The following FTO variants were observed in gnomAD, a reference collection of about 807,000 sequenced individuals.
FTO encodes the protein FTO alpha-ketoglutarate dependent dioxygenase.
FTO carries 47 observed loss-of-function variants against 63.9 expected under a neutral mutation model. The ratio of observed to expected loss-of-function variants is 0.74; its 90% CI spans 0.58 to 0.94. FTO has a LOEUF of 0.94. Ranked by LOEUF, FTO falls within the 40% of genes least tolerant of loss-of-function variation. FTO has a pLI of 0.00. For missense variants in FTO, 562 were observed against 618.1 expected, an observed-to-expected ratio of 0.91 and a Z score of 0.96; for synonymous variants, 207 against 224.4, an observed-to-expected ratio of 0.92 and a Z score of 0.69.
chr16:53,950,257 A>G (rs1488286255), intron 8 of FTO, among the ~76,000 whole-genome samples: 1 of 151,522 alleles, frequency 6.6e-6, no homozygotes, highest in Non-Finnish European at 1.5e-5. Context: ...ACACAGTAGG[A>G]AGTCGTCTTA....
intron 1 of FTO, among the ~76,000 whole-genome samples, chr16:53,789,790 A>C (rs1308329360): frequency 6.6e-6 from 1 of 150,474 alleles, no homozygotes; most frequent in Admixed American, 6.6e-5. Flanking sequence ...ACATATATGT[A>C]TGTATGTATA....
chr16:53,923,387 A>G (rs956242298), intron 7 of FTO, among the ~76,000 whole-genome samples: 2 of 152,228 alleles, frequency 1.3e-5, no homozygotes, highest in African/African-American at 4.8e-5. Flanking sequence ...TTTCCTGTAC[A>G]TTAAAACAAC....
At chr16:53,728,210 G>A (rs2076194694) in intron 1 of FTO, among the ~76,000 whole-genome samples, 1 of 152,076 alleles carries the variant, frequency 6.6e-6, no homozygotes, top group Non-Finnish European at 1.5e-5. Flanking sequence ...TTGCACTCCA[G>A]CCTGGGCAAC....
chr16:53,913,815 C>T (rs527709218), intron 7 of FTO, among the ~76,000 whole-genome samples: 1 of 152,044 alleles, frequency 6.6e-6, no homozygotes, highest in African/African-American at 2.4e-5. Context: ...CCTATCTCTA[C>T]TAAAAATACA....
At chr16:53,924,714 C>T (rs185053758) in intron 7 of FTO, among the ~76,000 whole-genome samples, 8 of 152,234 alleles carry the variant, frequency 5.3e-5, no homozygotes, top group East Asian at 1.9e-4. Flanking sequence ...ATCCAGGATG[C>T]GTTTTCTCAA....
intron 8 of FTO, among the ~76,000 whole-genome samples, chr16:53,957,604 T>A (rs748654220): frequency 6.6e-6 from 1 of 152,256 alleles, no homozygotes; most frequent in African/African-American, 2.4e-5. Context: ...GTTATTTTCA[T>A]ACCACTCTAA....
chr16:54,015,847 G>A (rs1035216661), intron 8 of FTO, among the ~76,000 whole-genome samples: 3 of 152,172 alleles, frequency 2.0e-5, no homozygotes, highest in South Asian at 4.1e-4. Flanking sequence ...AGCAAACACA[G>A]GAAACAGGAT....
At chr16:53,824,622 CG>C (rs2078955190) in intron 2 of FTO, among the ~76,000 whole-genome samples, 1 of 150,878 alleles carries the variant, frequency 6.6e-6, no homozygotes, top group African/African-American at 2.4e-5. Flanking sequence ...AAAAAAAAAA[CG>C]TTTGGAAGAA....
At chr16:54,108,668 G>A (rs72809682) in intron 8 of FTO, among the ~76,000 whole-genome samples, 2,095 of 152,238 alleles carry the variant, frequency 0.014, 16 homozygotes, top group Non-Finnish European at 0.021. Flanking sequence ...ATAGGTATTG[G>A]GCGCTTGCTA....
At position 53,987,593 on chromosome 16, in the gene FTO, A is replaced by AG. The variant is rs1441483473; in HGVS notation, c.1364+53484_1364+53485insG. Among the ~76,000 whole-genome samples, 3 of 142,242 alleles carry AG rather than the reference A, an allele frequency of 2.1e-5. No individual in the cohort carries two copies. The East Asian group carries it at 5.9e-4, about 28-fold the overall frequency. 93.3% of individuals were successfully genotyped at this position (142,242 alleles called of 152,430 possible). A position where few individuals can be genotyped will look rare whatever the true frequency, so the allele number is the denominator to read the frequency against. On this transcript the variant is annotated intron_variant, in intron 8 of 8. Transcript: ENST00000471389. Reference sequence around the variant, plus strand: ...GAAAGACTCTGTCTCAAAAAAAAAAAAAAAGAAAAGAAAAGAAAAATGACA... The same window carrying AG: ...GAAAGACTCTGTCTCAAAAAAAAAAAGAAAAGAAAAGAAAAGAAAAATGACA...
At chr16:53,942,120 G>A (rs1019659342) in intron 8 of FTO, among the ~76,000 whole-genome samples, 1 of 151,954 alleles carries the variant, frequency 6.6e-6, no homozygotes, top group Non-Finnish European at 1.5e-5. Flanking sequence ...AACCTTGCCT[G>A]GTGTGGAAAT....
At chr16:53,769,157 C>T (rs2077276387) in intron 1 of FTO, among the ~76,000 whole-genome samples, 1 of 152,162 alleles carries the variant, frequency 6.6e-6, no homozygotes, top group Non-Finnish European at 1.5e-5. Flanking sequence ...ATAAATGTAT[C>T]TATGACAAAC....
At chr16:54,076,189 T>G (rs17235735) in intron 8 of FTO, among the ~76,000 whole-genome samples, 8,371 of 152,272 alleles carry the variant, frequency 0.055, 273 homozygotes, top group South Asian at 0.13. Flanking sequence ...TCTTTTTAGT[T>G]ATCATTTGAG....
At chr16:53,730,249 T>TAACTTCCC (rs1816768835) in intron 1 of FTO, among the ~76,000 whole-genome samples, 1 of 152,172 alleles carries the variant, frequency 6.6e-6, no homozygotes, top group African/African-American at 2.4e-5. Flanking sequence ...TTATATATAC[T>TAACTTCCC]AACTTCCCAA....
At chr16:53,944,264 A>G (rs1335078141) in intron 8 of FTO, among the ~76,000 whole-genome samples, 3 of 152,222 alleles carry the variant, frequency 2.0e-5, no homozygotes, top group African/African-American at 7.2e-5. Context: ...AGATTGAGTC[A>G]TGATTCCATA....
chr16:53,744,450 C>T (rs1180111204), intron 1 of FTO, among the ~76,000 whole-genome samples: 2 of 152,152 alleles, frequency 1.3e-5, no homozygotes, highest in African/African-American at 4.8e-5. Flanking sequence ...AGTTGACTCC[C>T]CAGTTGTGGT....
At chr16:53,799,425 G>T (rs2078163710) in intron 1 of FTO, among the ~76,000 whole-genome samples, 2 of 151,814 alleles carry the variant, frequency 1.3e-5, no homozygotes, top group Non-Finnish European at 2.9e-5. Context: ...TTCTTTGAGA[G>T]CAAGGCCTAT....
chr16:53,955,445 C>G (rs553603590), intron 8 of FTO, among the ~76,000 whole-genome samples: 25 of 152,148 alleles, frequency 1.6e-4, no homozygotes, highest in African/African-American at 6.0e-4. Flanking sequence ...TTAGGGAAGC[C>G]TCATTTAAGC....
intron 1 of FTO, among the ~76,000 whole-genome samples, chr16:53,749,629 C>T (rs780509529): frequency 3.3e-5 from 5 of 151,772 alleles, no homozygotes; most frequent in Admixed American, 6.6e-5. Flanking sequence ...TTAGTAGAGA[C>T]GGGGTTTCAC....
Sources: gnomAD v4.1 joint callset for allele counts (sites outside exome capture counted in the v4.1 genomes callset) on GRCh38, gnomAD v4.1.1 for gene constraint, MANE v1.5 for transcripts, NCBI Gene and HGNC (gene_info 2026-07-23, HGNC 2026-07-21) for gene names.